METTL4: variants seen among roughly 807,000 people sequenced by gnomAD.
METTL4 encodes the protein methyltransferase 4, N6-adenosine, also known as N(6)-adenine-specific methyltransferase METTL4.
In METTL4, 40 loss-of-function variants were observed where a neutral mutation model predicts 54.0. The ratio of observed to expected loss-of-function variants is 0.74; its 90% CI spans 0.58 to 0.96. METTL4 has a LOEUF of 0.96. Ranked by LOEUF, METTL4 falls within the 50% of genes least tolerant of loss-of-function variation. METTL4 has a pLI of 0.00. For synonymous variants in METTL4, 169 were observed against 183.8 expected (o/e 0.92, Z 0.65); for missense variants, 525 against 549.0 (o/e 0.96, Z 0.44).
chr18:2,541,623 T>C (rs991596649), intron 8 of METTL4, among the ~76,000 whole-genome samples: 1 of 152,220 alleles, frequency 6.6e-6, no homozygotes, highest in African/African-American at 2.4e-5. Context: ...AAACCATAGC[T>C]ATTGATAGCT....
chr18:2,560,102 C>A (rs2072293829), intron 3 of METTL4, among the ~76,000 whole-genome samples: 1 of 152,030 alleles, frequency 6.6e-6, no homozygotes, highest in Non-Finnish European at 1.5e-5. Context: ...AAACAAAAAA[C>A]CTGAAAATCC....
chr18:2,547,399 G>A lies in METTL4; in HGVS notation c.1030C>T (p.Pro344Ser), dbSNP rs1458894636. The change falls in exon 6 of 9, where the codon CCC (proline) becomes TCC (serine). Residue 344 changes from proline to serine, a missense_variant. Physicochemically the swap from Pro to Ser is moderately conservative, Grantham distance 74. Coordinates refer to ENST00000574538, the MANE Select transcript of METTL4 (RefSeq NM_022840.5). ...HLRFIKEELY[P>S]SWSVEVVAEW... is the part of the protein sequence containing the mutation. The stretch of plus-strand genomic sequence containing the variant: ...GCAACTACCTCCACAGACCAAGAGG[G>A]ATAAAGTTCTTCCTTTATAAAACGT... 1.2e-6 allele frequency: 2 copies of A among 1,610,570 alleles called. No individual in the cohort carries two copies. Among genetic ancestry groups the A allele is most frequent in the African/African-American group, 1.3e-5 (1 of 74,866 alleles).
chr18:2,548,710 C>T (rs2072108651), intron 5 of METTL4, among the ~76,000 whole-genome samples: 1 of 152,188 alleles, frequency 6.6e-6, no homozygotes, highest in South Asian at 2.1e-4. Flanking sequence ...CATGCTATGC[C>T]TCACCTACTC....
chr18:2,563,154 GCT>G (rs2143577109), intron 3 of METTL4, among the ~76,000 whole-genome samples: 1 of 152,188 alleles, frequency 6.6e-6, no homozygotes, highest in African/African-American at 2.4e-5. Flanking sequence ...CATTACTCAT[GCT>G]CTCTTCTGCC....
chr18:2,565,829 G>A (rs1427709096), intron 2 of METTL4, among the ~76,000 whole-genome samples: 1 of 151,968 alleles, frequency 6.6e-6, no homozygotes, highest in Admixed American at 6.5e-5. Flanking sequence ...GGCAGATCAC[G>A]AGGTCAGGAG....
chr18:2,543,387 C>T (rs1477552901), intron 8 of METTL4, among the ~76,000 whole-genome samples: 2 of 152,102 alleles, frequency 1.3e-5, no homozygotes, highest in Admixed American at 1.3e-4. Context: ...CTTTGAATAT[C>T]AAATTCAGTA....
chr18:2,538,767 G>T lies in METTL4; in HGVS notation c.*233C>A. On this transcript the variant is annotated 3_prime_UTR_variant, in exon 9 of 9. Coordinates refer to ENST00000574538, the MANE Select transcript of METTL4 (RefSeq NM_022840.5). ...GCATGGTCTTGCCGTCTTTATAACT[G>T]CTTACCACTTAATTTGTATAGTCTA... The T allele has an allele frequency of 2.1e-6, 1 of 482,806 alleles. No individual in the cohort carries two copies. Among genetic ancestry groups the T allele is most frequent in the Non-Finnish European group, 3.7e-6 (1 of 273,306 alleles). 29.9% of individuals were successfully genotyped at this position (482,806 alleles called of 1,614,324 possible). A position where few individuals can be genotyped will look rare whatever the true frequency, so the allele number is the denominator to read the frequency against.
intron 5 of METTL4, among the ~76,000 whole-genome samples, chr18:2,549,945 A>G (rs7236419): frequency 0.076 from 11,472 of 151,782 alleles, 788 homozygotes; most frequent in African/African-American, 0.18. Flanking sequence ...AATGAGCCGA[A>G]ATCATACCAT....
intron 6 of METTL4, among the ~76,000 whole-genome samples, chr18:2,545,307 T>C (rs1332908874): frequency 6.6e-6 from 1 of 152,154 alleles, no homozygotes; most frequent in Non-Finnish European, 1.5e-5. Flanking sequence ...TATTAGTTCA[T>C]GCAAATAAAC....
chr18:2,547,523 A>G lies in METTL4; in HGVS notation c.906T>C (p.Ser302=). ...NKSVKRSNRY[S]YLSPLQIQQI... ...GCTGTATTTGCAGGGGTGACAAATAACTGTACCTAAAAATAAACGGAAAAA... is the reference window on the plus strand; with the variant it reads ...GCTGTATTTGCAGGGGTGACAAATAGCTGTACCTAAAAATAAACGGAAAAA... The change falls in exon 6 of 9, where the codon AGT becomes AGC. Residue 302 remains serine, a synonymous_variant. Transcript: ENST00000574538. 1 of 1,570,942 alleles carries G rather than the reference A, an allele frequency of 6.4e-7. No homozygotes were observed.
chr18:2,556,630 G>A (rs983429467), intron 3 of METTL4, among the ~76,000 whole-genome samples: 7 of 151,696 alleles, frequency 4.6e-5, no homozygotes, highest in Non-Finnish European at 7.4e-5. Flanking sequence ...TAAAAATATT[G>A]GGAATAAAAG....
chr18:2,539,184 A>C (rs1238077241), intron 8 of METTL4, 39 bp from the exon 9 acceptor site: 1 of 1,531,046 alleles, frequency 6.5e-7, no homozygotes, highest in Non-Finnish European at 9.0e-7. Flanking sequence ...ATTATTATTG[A>C]GGAAGGAATC....
intron 1 of METTL4, among the ~76,000 whole-genome samples, chr18:2,568,080 G>C (rs1426393110): frequency 1.3e-5 from 2 of 152,214 alleles, no homozygotes; most frequent in Admixed American, 6.5e-5. Context: ...GAACTTAAGA[G>C]GGGACAGAAT....
At chr18:2,560,761 C>T (rs2143566450) in intron 3 of METTL4, among the ~76,000 whole-genome samples, 1 of 152,122 alleles carries the variant, frequency 6.6e-6, no homozygotes, top group South Asian at 2.1e-4. Flanking sequence ...CGCCTGTAAT[C>T]CCAGCTACTC....
chr18:2,561,593 T>A (rs970339311), intron 3 of METTL4: 3 of 152,208 alleles, frequency 2.0e-5, no homozygotes, highest in Non-Finnish European at 2.9e-5. Flanking sequence ...AAAACAAATT[T>A]ATTAAAAAGA....
chr18:2,561,021 T>C (rs1260629146), intron 3 of METTL4, among the ~76,000 whole-genome samples: 1 of 152,010 alleles, frequency 6.6e-6, no homozygotes, highest in Non-Finnish European at 1.5e-5. Flanking sequence ...AATAGGTTCA[T>C]GGAAAAAAAT....
chr18:2,544,120 C>T, intron 8 of METTL4, 75 bp downstream of exon 8: 2 of 1,095,876 alleles, frequency 1.8e-6, no homozygotes, highest in South Asian at 3.0e-5. Flanking sequence ...AATCTGTAGG[C>T]CGTTTAAATA....
intron 3 of METTL4, among the ~76,000 whole-genome samples, chr18:2,559,551 A>C (rs901544461): frequency 4.6e-5 from 7 of 152,222 alleles, no homozygotes; most frequent in African/African-American, 1.7e-4. Flanking sequence ...ACATCTAAAA[A>C]TGGTTAAAAC....
intron 3 of METTL4, among the ~76,000 whole-genome samples, chr18:2,559,305 A>G (rs188106514): frequency 1.4e-4 from 22 of 152,348 alleles, no homozygotes; most frequent in Admixed American, 1.4e-3. Flanking sequence ...ATTCTGATAT[A>G]TGCTACATGG....
Sources: gnomAD v4.1 joint callset for allele counts (sites outside exome capture counted in the v4.1 genomes callset) on GRCh38, gnomAD v4.1.1 for gene constraint, MANE v1.5 for transcripts, NCBI Gene and HGNC (gene_info 2026-07-23, HGNC 2026-07-21) for gene names.